Variants in SP140L observed in about 807,000 individuals in gnomAD.
SP140L encodes the protein SP140 like nuclear body protein.
A neutral mutation model predicts 84.3 loss-of-function variants in SP140L; 64 were observed. The observed-to-expected ratio is 0.76, with a 90% CI of 0.62 to 0.94. The LOEUF is 0.94. SP140L is among the 40% of genes least tolerant of loss of function. SP140L has a pLI of 0.00. For synonymous variants in SP140L, 242 were observed against 236.9 expected (o/e 1.02, Z -0.20); for missense variants, 628 against 692.5 (o/e 0.91, Z 1.05).
At position 230,328,808 on chromosome 2, in the gene SP140L, T is replaced by C. The variant is rs534396295; in HGVS notation, c.84T>C (p.Pro28=). ...TAGCAAATGAGATGAACCATCTTCC[T>C]GCACACAGCCAAAGTCTGCAAAGGT... ...SQVANEMNHL[P]AHSQSLQRLF... is the part of the protein sequence containing the mutation. The change falls in exon 2 of 19, where the codon CCT becomes CCC. Residue 28 remains proline, a synonymous_variant. Coordinates refer to ENST00000415673, the MANE Select transcript of SP140L (RefSeq NM_138402.6). 18 of 1,612,138 alleles carry C rather than the reference T, an allele frequency of 1.1e-5. No homozygotes were observed. The highest frequency in any genetic ancestry group is 1.7e-4 in the Middle Eastern group (1 of 6,048).
Position 230,327,357 on chromosome 2 carries a change from A to G in SP140L, c.32+56A>G, listed in dbSNP as rs78338540. The G allele has an allele frequency of 4.1e-4, 652 of 1,574,600 alleles. 5 individuals are homozygous for G. The African/African-American group carries it at 8.1e-3, about 20-fold the overall frequency. On this transcript the variant is annotated intron_variant, in intron 1 of 18. Coordinates refer to ENST00000415673, the MANE Select transcript of SP140L (RefSeq NM_138402.6). ...TATCTCTGGCAGTATTGGAGCTTTCATGCCTGTAGTTCAGTTTCTGTCTAA... is the reference window on the plus strand; with the variant it reads ...TATCTCTGGCAGTATTGGAGCTTTCGTGCCTGTAGTTCAGTTTCTGTCTAA...
chr2:230,391,820 GAAATGCTTAAAA>G (rs1310385345), intron 11 of SP140L: 1 of 333,284 alleles, frequency 3.0e-6, no homozygotes, highest in African/African-American at 2.0e-5. Context: ...AAGTGCTTTT[GAAATGCTTAAAA>G]GGTTGCTCTT....
At chr2:230,334,958 C>G (rs1161497102) in intron 2 of SP140L, among the ~76,000 whole-genome samples, 1 of 151,988 alleles carries the variant, frequency 6.6e-6, no homozygotes, top group African/African-American at 2.4e-5. Context: ...CCTAGATTCT[C>G]TTATTTATTG....
intron 9 of SP140L, among the ~76,000 whole-genome samples, chr2:230,385,842 G>A (rs2061559686): frequency 6.6e-6 from 1 of 151,706 alleles, no homozygotes; most frequent in South Asian, 2.1e-4. Context: ...TAGTTGGGGG[G>A]TGACATGGCC....
chr2:230,339,479 T>C lies in SP140L; in HGVS notation c.107+10648T>C, dbSNP rs1166011604. ...GATTCATTAATTTTTGAAGGGTTTT[T>C]TGTGTCTCTATTTCCTTCAGTTCTG... On this transcript the variant is annotated intron_variant, in intron 2 of 18. Transcript: ENST00000415673. Among the ~76,000 whole-genome samples, 26 of 151,844 alleles carry C rather than the reference T, an allele frequency of 1.7e-4. 1 individual carries two copies. Among genetic ancestry groups the C allele is most frequent in the African/African-American group, 5.5e-4 (23 of 41,448 alleles).
Position 230,334,301 on chromosome 2 carries a change from T to C in SP140L, c.107+5470T>C, listed in dbSNP as rs180853062. On this transcript the variant is annotated intron_variant, in intron 2 of 18. Coordinates refer to ENST00000415673, the MANE Select transcript of SP140L (RefSeq NM_138402.6). ...ATTTTATTCTTTCATTCTGTGAAAC[T>C]AGCTGCCATGTATGCACCTACCTTC... Among the ~76,000 whole-genome samples, 39 of 152,362 alleles carry C rather than the reference T, an allele frequency of 2.6e-4. 1 individual carries two copies. The East Asian group carries it at 7.5e-3, about 29-fold the overall frequency.
chr2:230,335,901 C>T lies in SP140L; in HGVS notation c.107+7070C>T, dbSNP rs74643189. Among the ~76,000 whole-genome samples, 1,081 of 152,154 alleles carry T rather than the reference C, an allele frequency of 7.1e-3. 11 individuals carry two copies. Among genetic ancestry groups the T allele is most frequent in the African/African-American group, 0.025 (1,024 of 41,496 alleles). ...CCCAGAAAAGAATTTGAAGGCCAGACCAAACTGAAAGTACAGAAGATTTAT... is the reference window on the plus strand; with the variant it reads ...CCCAGAAAAGAATTTGAAGGCCAGATCAAACTGAAAGTACAGAAGATTTAT... On this transcript the variant is annotated intron_variant, in intron 2 of 18. Transcript: ENST00000415673.
chr2:230,400,358 G>A (rs2062265647), intron 15 of SP140L, 116 bp downstream of exon 15: 7 of 1,010,144 alleles, frequency 6.9e-6, no homozygotes, highest in Non-Finnish European at 8.9e-6. Flanking sequence ...GGTTCATCGG[G>A]TACTGGGACC....
rs1215821926 is a variant in SP140L, at chr2:230,340,806, G to A, written c.107+11975G>A. Among the ~76,000 whole-genome samples, 742 of 137,488 alleles carry A rather than the reference G, an allele frequency of 5.4e-3. 1 individual carries two copies. The highest frequency in any genetic ancestry group is 0.019 in the African/African-American group (687 of 36,134). 90.2% of individuals were successfully genotyped at this position (137,488 alleles called of 152,430 possible). A position where few individuals can be genotyped will look rare whatever the true frequency, so the allele number is the denominator to read the frequency against. On this transcript the variant is annotated intron_variant, in intron 2 of 18. Transcript: ENST00000415673. ...GTTGAAAATTCTTTTCTTTAAGAAT[G>A]TTGAATATTGGCCCCCACTCTCTTC...
At chr2:230,392,668 C>A (rs1213315537) in intron 12 of SP140L, among the ~76,000 whole-genome samples, 1 of 152,158 alleles carries the variant, frequency 6.6e-6, no homozygotes, top group African/African-American at 2.4e-5. Flanking sequence ...AATTCAGCAA[C>A]TGGGGTTGTC....
intron 8 of SP140L, among the ~76,000 whole-genome samples, chr2:230,384,006 C>G (rs2061488544): frequency 6.6e-6 from 1 of 151,816 alleles, no homozygotes; most frequent in South Asian, 2.1e-4. Flanking sequence ...TCTATCAATC[C>G]TTACATAGAT....
chr2:230,353,509 T>C (rs2060429064), intron 2 of SP140L, among the ~76,000 whole-genome samples: 1 of 152,098 alleles, frequency 6.6e-6, no homozygotes, highest in Non-Finnish European at 1.5e-5. Context: ...TGTCCTATTA[T>C]TTGTTTCTTG....
At chr2:230,388,991 T>G (rs1375603368) in intron 10 of SP140L, among the ~76,000 whole-genome samples, 1 of 152,226 alleles carries the variant, frequency 6.6e-6, no homozygotes, top group Non-Finnish European at 1.5e-5. Flanking sequence ...CACACTAAGG[T>G]TGAACCAGAG....
chr2:230,354,848 GGAAAGAAA>G (rs61603133), intron 2 of SP140L, among the ~76,000 whole-genome samples: 11,720 of 108,758 alleles, frequency 0.11, 593 homozygotes, highest in South Asian at 0.18. Context: ...AAGAAAGAAA[GGAAAGAAA>G]GAAAGAAAGA....
intron 5 of SP140L, among the ~76,000 whole-genome samples, chr2:230,362,086 G>A (rs747449076): frequency 1.3e-5 from 2 of 152,130 alleles, no homozygotes; most frequent in Non-Finnish European, 2.9e-5. Context: ...GGGAAGAAAA[G>A]CTCCTGTTTT....
intron 2 of SP140L, among the ~76,000 whole-genome samples, chr2:230,343,966 G>A (rs1052756798): frequency 1.3e-5 from 2 of 152,182 alleles, no homozygotes; most frequent in Non-Finnish European, 2.9e-5. Flanking sequence ...TTGACTAAGT[G>A]CTGTGTGGTG....
intron 2 of SP140L, among the ~76,000 whole-genome samples, chr2:230,351,329 C>A (rs2060357805): frequency 6.6e-6 from 1 of 152,146 alleles, no homozygotes; most frequent in Non-Finnish European, 1.5e-5. Context: ...GAAATGGTTT[C>A]TCATTGATGT....
intron 14 of SP140L, among the ~76,000 whole-genome samples, chr2:230,397,361 C>T (rs980865737): frequency 1.3e-5 from 2 of 152,166 alleles, no homozygotes; most frequent in Non-Finnish European, 1.5e-5. Context: ...TACAGAGCCC[C>T]TATCACCAGT....
chr2:230,345,044 A>G (rs1418059319), intron 2 of SP140L, among the ~76,000 whole-genome samples: 2 of 152,232 alleles, frequency 1.3e-5, no homozygotes, highest in African/African-American at 4.8e-5. Flanking sequence ...GTTCAAGATC[A>G]AAATCCTTAT....
Sources: allele counts gnomAD v4.1 joint callset (sites outside exome capture counted in the v4.1 genomes callset), GRCh38; gene constraint gnomAD v4.1.1; transcripts MANE v1.5; gene names NCBI Gene and HGNC (gene_info 2026-07-23, HGNC 2026-07-21).